The following ANKFN1 variants were observed in gnomAD, a reference collection of about 807,000 sequenced individuals.
ANKFN1 encodes the protein ankyrin repeat and fibronectin type-III domain-containing protein 1.
A neutral mutation model predicts 108.7 loss-of-function variants in ANKFN1; 74 were observed. The ratio of observed to expected loss-of-function variants is 0.68; its 90% CI spans 0.56 to 0.83. The LOEUF (loss-of-function observed/expected upper bound fraction) is 0.83, where lower values mean the gene tolerates loss of function less well. ANKFN1 is among the 40% of genes least tolerant of loss of function. The pLI is 0.00. For synonymous variants in ANKFN1, 547 were observed against 516.2 expected (o/e 1.06, Z -0.81); for missense variants, 1,505 against 1,382.3 (o/e 1.09, Z -1.41).
intron 8 of ANKFN1, among the ~76,000 whole-genome samples, chr17:56,423,569 T>C (rs764351030): frequency 9.2e-5 from 14 of 152,146 alleles, no homozygotes; most frequent in Non-Finnish European, 1.3e-4. Context: ...GCCTTCCTCT[T>C]CTTTCTCTTC....
chr17:56,171,403 A>T (rs1247064044), intron 1 of ANKFN1, among the ~76,000 whole-genome samples: 1 of 152,134 alleles, frequency 6.6e-6, no homozygotes, highest in African/African-American at 2.4e-5. Flanking sequence ...CCTAAGCAGC[A>T]CCTTCTATAC....
At chr17:56,361,956 A>G (rs930558185) in intron 6 of ANKFN1, among the ~76,000 whole-genome samples, 1 of 152,152 alleles carries the variant, frequency 6.6e-6, no homozygotes, top group African/African-American at 2.4e-5. Flanking sequence ...CAGAAGTGAC[A>G]TAGTGTCATT....
rs150835881 is a variant in ANKFN1, at chr17:56,062,202, A to G, written c.288+15877A>G. ...CCACGTAACATTAAGAAGAACATAT[A>G]TTCTGTTGATTTGGAGTGGAGAGTT... On this transcript the variant is annotated intron_variant, in intron 4 of 12. Transcript: ENST00000635860. Among the ~76,000 whole-genome samples the G allele has an allele frequency of 4.8e-3, 735 of 152,298 alleles. 6 individuals carry two copies. The Middle Eastern group carries it at 0.054, about 11-fold the overall frequency.
chr17:56,378,142 T>G lies in ANKFN1; in HGVS notation c.910+3428T>G, dbSNP rs917139877. On this transcript the variant is annotated intron_variant, in intron 8 of 20. Transcript: ENST00000682825. The stretch of plus-strand genomic sequence containing the variant: ...GACAGGGCCTTTCAGGAGCTCATAG[T>G]GTATCTGCTTCTGCAGTGACCAGGC... Among the ~76,000 whole-genome samples the G allele has an allele frequency of 5.3e-5, 8 of 152,218 alleles. No individual in the cohort carries two copies. In the East Asian group the frequency reaches 1.5e-3, roughly 29 times the overall value.
At chr17:56,110,289 C>A (rs181725626) in intron 4 of ANKFN1, among the ~76,000 whole-genome samples, 5 of 152,140 alleles carry the variant, frequency 3.3e-5, no homozygotes, top group African/African-American at 7.2e-5. Flanking sequence ...AGAAGGCTCC[C>A]GTCCCATTTA....
chr17:56,350,382 T>A (rs2046214454), intron 4 of ANKFN1, among the ~76,000 whole-genome samples: 1 of 152,058 alleles, frequency 6.6e-6, no homozygotes, highest in Admixed American at 6.6e-5. Context: ...AAAGTCCCAA[T>A]TATATATACC....
At chr17:56,368,275 A>AAT in intron 6 of ANKFN1, 2 of 31,328 alleles carry the variant, frequency 6.4e-5, no homozygotes, top group Non-Finnish European at 2.0e-4. Flanking sequence ...CTGAAAATGA[A>AAT]CTTTTTTTTT....
chr17:56,134,934 T>C (rs751198218), intron 4 of ANKFN1, among the ~76,000 whole-genome samples: 21 of 152,190 alleles, frequency 1.4e-4, no homozygotes, highest in Non-Finnish European at 2.6e-4. Context: ...TTGGGTAAAG[T>C]TGTGATTTCA....
intron 8 of ANKFN1, among the ~76,000 whole-genome samples, chr17:56,407,628 T>G (rs10515125): frequency 0.67 from 101,857 of 151,972 alleles, 34,711 homozygotes; most frequent in East Asian, 0.96. Context: ...TAGGCTTGAA[T>G]TAAAGGGAAT....
At chr17:56,467,676 T>TAAA (rs531411625) in intron 15 of ANKFN1, among the ~76,000 whole-genome samples, 6 of 74,200 alleles carry the variant, frequency 8.1e-5, no homozygotes, top group East Asian at 3.6e-4. Flanking sequence ...GAATCCATCT[T>TAAA]AAAAAAAAAA....
chr17:56,467,769 AAG>A (rs143981055), intron 15 of ANKFN1, among the ~76,000 whole-genome samples: 46 of 115,998 alleles, frequency 4.0e-4, no homozygotes, highest in East Asian at 8.3e-4. Flanking sequence ...GAAAGAAAGA[AAG>A]AAAGAAAGAA....
intron 2 of ANKFN1, among the ~76,000 whole-genome samples, 126 bp downstream of exon 2, chr17:56,212,805 G>A (rs535731670): frequency 8.5e-5 from 13 of 152,246 alleles, no homozygotes; most frequent in African/African-American, 2.9e-4. Flanking sequence ...CAAACCACTC[G>A]CTCTAGTTCT....
chr17:56,454,612 G>A (rs2049621211), intron 11 of ANKFN1, among the ~76,000 whole-genome samples: 1 of 152,132 alleles, frequency 6.6e-6, no homozygotes, highest in Non-Finnish European at 1.5e-5. Flanking sequence ...GGGTGACCTG[G>A]CACCACCTTT....
At chr17:56,138,736 C>T (rs967112146) in intron 4 of ANKFN1, among the ~76,000 whole-genome samples, 2 of 152,022 alleles carry the variant, frequency 1.3e-5, no homozygotes, top group Non-Finnish European at 2.9e-5. Context: ...GTCTCGAACT[C>T]CTGACCTCAA....
chr17:56,201,084 C>G lies in ANKFN1; in HGVS notation c.-70-11514C>G, dbSNP rs192359479. 1.4e-3 allele frequency among the ~76,000 whole-genome samples: 217 copies of G among 152,274 alleles called. 3 individuals carry two copies. The highest frequency in any genetic ancestry group is 0.014 in the Admixed American group (216 of 15,306). On this transcript the variant is annotated intron_variant, in intron 1 of 20. Transcript: ENST00000682825. ...CTCAAGAGTGACCCTTTCTAAATGA[C>G]CACCCCATCATGTCACACACATTGC...
At chr17:56,361,235 TATAG>T (rs908564253) in intron 6 of ANKFN1, among the ~76,000 whole-genome samples, 1 of 152,128 alleles carries the variant, frequency 6.6e-6, no homozygotes, top group Non-Finnish European at 1.5e-5. Context: ...ATGAAAAGAT[TATAG>T]ATAAAGTTAA....
intron 3 of ANKFN1, among the ~76,000 whole-genome samples, chr17:56,289,102 C>G (rs1403805363): frequency 6.6e-6 from 1 of 152,064 alleles, no homozygotes; most frequent in Admixed American, 6.5e-5. Context: ...ATGGAAAGGC[C>G]CTGCATTTTT....
intron 11 of ANKFN1, among the ~76,000 whole-genome samples, chr17:56,453,977 T>C (rs2049588298): frequency 6.6e-6 from 1 of 152,166 alleles, no homozygotes; most frequent in Admixed American, 6.5e-5. Context: ...AAGGCATCTG[T>C]TGTCTGTTAT....
At chr17:56,496,806 T>C (rs1479429001) in intron 19 of ANKFN1, among the ~76,000 whole-genome samples, 1 of 152,150 alleles carries the variant, frequency 6.6e-6, no homozygotes, top group Non-Finnish European at 1.5e-5. Flanking sequence ...GCTTAAGATA[T>C]GGATGTATTA....
Sources: allele counts gnomAD v4.1 joint callset (sites outside exome capture counted in the v4.1 genomes callset), GRCh38; gene constraint gnomAD v4.1.1; transcripts MANE v1.5; gene names NCBI Gene and HGNC (gene_info 2026-07-23, HGNC 2026-07-21).